Variants in SORCS3 observed in about 807,000 individuals in gnomAD.
SORCS3 encodes the protein VPS10 domain-containing receptor SorCS3.
SORCS3 carries 57 observed loss-of-function variants against 146.3 expected under a neutral mutation model. That is an observed-to-expected ratio of 0.39 (90% CI 0.31 to 0.49). SORCS3 has a LOEUF of 0.49. Ranked by LOEUF, SORCS3 falls within the 20% of genes least tolerant of loss-of-function variation. The pLI, the probability that SORCS3 is intolerant of heterozygous loss-of-function variation, is 0.92. For missense variants in SORCS3, 1,341 were observed against 1,575.5 expected (o/e 0.85, Z 2.52); for synonymous variants, 653 against 618.5 (o/e 1.06, Z -0.83).
chr10:104,719,434 C>T (rs1462415200), intron 1 of SORCS3, among the ~76,000 whole-genome samples: 3 of 152,124 alleles, frequency 2.0e-5, no homozygotes, highest in Non-Finnish European at 2.9e-5. Context: ...TTTTTACTTC[C>T]GTATTCCTTG....
intron 13 of SORCS3, among the ~76,000 whole-genome samples, chr10:105,173,676 A>C (rs1465084150): frequency 1.3e-5 from 2 of 152,154 alleles, no homozygotes. Context: ...AAATTATATT[A>C]TTTCAACTGA....
intron 9 of SORCS3, among the ~76,000 whole-genome samples, chr10:105,149,237 G>C (rs1013633963): frequency 6.6e-6 from 1 of 152,108 alleles, no homozygotes; most frequent in Non-Finnish European, 1.5e-5. Context: ...GATTGCACCT[G>C]TTCTGTTAGG....
intron 5 of SORCS3, among the ~76,000 whole-genome samples, chr10:105,087,707 T>A (rs2055672874): frequency 6.6e-6 from 1 of 152,106 alleles, no homozygotes; most frequent in Non-Finnish European, 1.5e-5. Flanking sequence ...GGTTCAAAAA[T>A]AAATAAGACA....
intron 1 of SORCS3, among the ~76,000 whole-genome samples, chr10:104,652,090 TGTG>T (rs1409216669): frequency 7.2e-5 from 11 of 151,946 alleles, no homozygotes; most frequent in Admixed American, 3.3e-4. Context: ...TGTGTGTGTG[TGTG>T]TTTTAAATGG....
intron 2 of SORCS3, among the ~76,000 whole-genome samples, chr10:104,900,281 T>C (rs2018837961): frequency 6.6e-6 from 1 of 152,206 alleles, no homozygotes; most frequent in Admixed American, 6.5e-5. Context: ...ATCTTTAAGA[T>C]ATCTTTACCT....
At chr10:104,682,096 A>G (rs943750719) in intron 1 of SORCS3, among the ~76,000 whole-genome samples, 3 of 152,180 alleles carry the variant, frequency 2.0e-5, no homozygotes, top group African/African-American at 7.2e-5. Flanking sequence ...GGAGTATTAT[A>G]GAGGTGGGGA....
intron 6 of SORCS3, among the ~76,000 whole-genome samples, chr10:105,100,840 A>G (rs1431377686): frequency 6.6e-6 from 1 of 152,246 alleles, no homozygotes; most frequent in Non-Finnish European, 1.5e-5. Context: ...ATCTTTTAAA[A>G]TGTATCCACA....
chr10:104,895,714 C>T (rs2018791363), intron 2 of SORCS3, among the ~76,000 whole-genome samples: 1 of 152,192 alleles, frequency 6.6e-6, no homozygotes, highest in Admixed American at 6.5e-5. Flanking sequence ...CCTCTGCTCC[C>T]TGAATGTCTG....
intron 1 of SORCS3, among the ~76,000 whole-genome samples, chr10:104,683,875 C>T (rs2016010847): frequency 6.6e-6 from 1 of 152,128 alleles, no homozygotes; most frequent in African/African-American, 2.4e-5. Context: ...GGGCTCTATG[C>T]TGGGGATACA....
At chr10:105,145,504 G>T (rs1470024537) in intron 8 of SORCS3, among the ~76,000 whole-genome samples, 1 of 152,042 alleles carries the variant, frequency 6.6e-6, no homozygotes, top group Non-Finnish European at 1.5e-5. Context: ...CATTAGTTTA[G>T]TCTAAAATAA....
At chr10:105,172,952 G>A (rs2056371728) in intron 13 of SORCS3, among the ~76,000 whole-genome samples, 2 of 151,868 alleles carry the variant, frequency 1.3e-5, no homozygotes, top group South Asian at 4.2e-4. Flanking sequence ...TCTAGTGGTA[G>A]GTCTTGGTGT....
At chr10:105,053,599 A>G (rs1253317303) in intron 5 of SORCS3, among the ~76,000 whole-genome samples, 2 of 151,926 alleles carry the variant, frequency 1.3e-5, no homozygotes, top group African/African-American at 4.8e-5. Context: ...AATATAGTAT[A>G]ATTTTAAACA....
intron 3 of SORCS3, among the ~76,000 whole-genome samples, chr10:104,962,429 T>C (rs779978910): frequency 6.6e-6 from 1 of 152,162 alleles, no homozygotes; most frequent in Non-Finnish European, 1.5e-5. Context: ...ATATCAGAGC[T>C]GGGCTGGGGG....
At chr10:104,737,316 A>C (rs918052853) in intron 1 of SORCS3, among the ~76,000 whole-genome samples, 11 of 151,974 alleles carry the variant, frequency 7.2e-5, no homozygotes, top group South Asian at 6.2e-4. Context: ...GCTGGGTCAA[A>C]TGGTATTTCT....
chr10:105,086,717 A>G (rs2055663161), intron 5 of SORCS3, among the ~76,000 whole-genome samples: 1 of 152,128 alleles, frequency 6.6e-6, no homozygotes, highest in Admixed American at 6.5e-5. Flanking sequence ...CCTTAGGGAG[A>G]GAATGGAAGA....
chr10:105,179,510 A>G (rs2056430058), intron 14 of SORCS3, among the ~76,000 whole-genome samples: 1 of 152,218 alleles, frequency 6.6e-6, no homozygotes, highest in South Asian at 2.1e-4. Flanking sequence ...AATAGAGCAT[A>G]ATCATTTTCT....
intron 3 of SORCS3, among the ~76,000 whole-genome samples, chr10:104,943,265 G>A (rs984094920): frequency 3.9e-5 from 6 of 152,056 alleles, no homozygotes; most frequent in Admixed American, 3.9e-4. Context: ...GAGTAGCTGG[G>A]AGTACAGGTG....
At chr10:105,258,935 T>C (rs950435172) in intron 25 of SORCS3, among the ~76,000 whole-genome samples, 9 of 152,216 alleles carry the variant, frequency 5.9e-5, no homozygotes, top group African/African-American at 2.2e-4. Context: ...CTGGAAGTTT[T>C]ACTCCCAATG....
Position 105,001,823 on chromosome 10 carries a change from C to T in SORCS3, c.954+24330C>T, listed in dbSNP as rs150324481. Among the ~76,000 whole-genome samples the T allele has an allele frequency of 9.1e-3, 1,388 of 152,292 alleles. 25 individuals carry two copies. Among genetic ancestry groups the T allele is most frequent in the African/African-American group, 0.032 (1,314 of 41,576 alleles). On this transcript the variant is annotated intron_variant, in intron 4 of 26. Coordinates refer to ENST00000369701, the MANE Select transcript of SORCS3 (RefSeq NM_014978.3). ...AGCTCTTCAGGCACAATATGTCTTTCAATCCTTTGGAAAAGGACACAACTG... is the reference window on the plus strand; with the variant it reads ...AGCTCTTCAGGCACAATATGTCTTTTAATCCTTTGGAAAAGGACACAACTG...
Sources: allele counts gnomAD v4.1 joint callset (sites outside exome capture counted in the v4.1 genomes callset), GRCh38; gene constraint gnomAD v4.1.1; transcripts MANE v1.5; gene names NCBI Gene and HGNC (gene_info 2026-07-23, HGNC 2026-07-21).